CTCF: variants seen among roughly 807,000 people sequenced by gnomAD.
CTCF encodes the protein transcriptional repressor CTCF.
A neutral mutation model predicts 72.3 loss-of-function variants in CTCF; 7 were observed. That is an observed-to-expected ratio of 0.10 (90% CI 0.06 to 0.18). CTCF has a LOEUF of 0.18. Among genes scored for constraint, CTCF ranks in the 10% least tolerant of loss-of-function variants. The pLI is 1.00. For missense variants in CTCF, 516 were observed against 949.1 expected (o/e 0.54, Z 6.00); for synonymous variants, 374 against 315.8 (o/e 1.18, Z -1.95).
chr16:67,577,737 G>A (rs1424825004), intron 2 of CTCF, among the ~76,000 whole-genome samples: 5 of 151,884 alleles, frequency 3.3e-5, no homozygotes, highest in South Asian at 4.2e-4. Context: ...GTGAGCCACC[G>A]CTCCCAGCCA....
chr16:67,575,324 C>A (rs892784037), intron 2 of CTCF, among the ~76,000 whole-genome samples: 3 of 152,090 alleles, frequency 2.0e-5, no homozygotes, highest in Admixed American at 6.5e-5. Flanking sequence ...ATAATCCCAG[C>A]ACTTTGGGAG....
chr16:67,584,623 G>A (rs1173956376), intron 2 of CTCF, among the ~76,000 whole-genome samples: 1 of 151,748 alleles, frequency 6.6e-6, no homozygotes, highest in East Asian at 1.9e-4. Flanking sequence ...ACCGCATCTG[G>A]CCAGTCTTCT....
intron 2 of CTCF, among the ~76,000 whole-genome samples, chr16:67,573,415 G>A (rs1344071865): frequency 1.3e-5 from 2 of 152,062 alleles, no homozygotes; most frequent in South Asian, 4.1e-4. Context: ...CTGGGTGACA[G>A]AGCAAGACCG....
intron 7 of CTCF, among the ~76,000 whole-genome samples, chr16:67,624,082 TG>T (rs2052244004): frequency 1.0e-5 from 1 of 96,936 alleles, no homozygotes; most frequent in African/African-American, 3.7e-5. Flanking sequence ...TGTGTGTGTG[TG>T]TGTGTGTGTG....
chr16:67,593,731 G>T (rs1029223622), intron 2 of CTCF, among the ~76,000 whole-genome samples: 1 of 152,072 alleles, frequency 6.6e-6, no homozygotes, highest in Admixed American at 6.6e-5. Flanking sequence ...AATAAGTTGG[G>T]GTTTTTAGCA....
At chr16:67,624,067 A>ATGTGTGTGTG (rs1330400010) in intron 7 of CTCF, among the ~76,000 whole-genome samples, 1 of 96,352 alleles carries the variant, frequency 1.0e-5, no homozygotes, top group African/African-American at 4.1e-5. Flanking sequence ...AAAAAAAATT[A>ATGTGTGTGTG]TATATGTGTG....
At chr16:67,626,081 C>T (rs1420165166) in intron 7 of CTCF, among the ~76,000 whole-genome samples, 1 of 151,998 alleles carries the variant, frequency 6.6e-6, no homozygotes, top group Non-Finnish European at 1.5e-5. Context: ...TAATTGTTCT[C>T]CCTGCACCTG....
chr16:67,591,640 T>C (rs1406578549), intron 2 of CTCF, among the ~76,000 whole-genome samples: 1 of 152,202 alleles, frequency 6.6e-6, no homozygotes, highest in Non-Finnish European at 1.5e-5. Context: ...ATAACTTTTA[T>C]TCGTTTTGGC....
chr16:67,588,419 G>A (rs1409882679), intron 2 of CTCF, among the ~76,000 whole-genome samples: 1 of 152,112 alleles, frequency 6.6e-6, no homozygotes, highest in Non-Finnish European at 1.5e-5. Context: ...CCAGGGATAT[G>A]GGTCTGCAGT....
Position 67,626,718 on chromosome 16 carries a change from A to G in CTCF, c.1518+3A>G. 7.0e-7 allele frequency: 1 copy of G among 1,420,902 alleles called. No individual in the cohort carries two copies. The highest frequency in any genetic ancestry group is 2.5e-5 in the East Asian group (1 of 39,348). The allele number at this position is 1,420,902 out of a possible 1,614,324, so 88.0% of individuals were successfully genotyped here. ...AGTGTGATTACGCTTGTAGACAGGTAGGAACCTTCATTGAAAGTTGTTGGT... is the reference window on the plus strand; with the variant it reads ...AGTGTGATTACGCTTGTAGACAGGTGGGAACCTTCATTGAAAGTTGTTGGT... On this transcript the variant is annotated splice_donor_region_variant and intron_variant, in intron 8 of 11. Coordinates refer to ENST00000264010, the MANE Select transcript of CTCF (RefSeq NM_006565.4).
chr16:67,575,179 G>T (rs111661704), intron 2 of CTCF, among the ~76,000 whole-genome samples: 2 of 152,286 alleles, frequency 1.3e-5, no homozygotes, highest in African/African-American at 2.4e-5. Flanking sequence ...AGCTGAGAAG[G>T]TTGAGGTTGC....
intron 10 of CTCF, among the ~76,000 whole-genome samples, chr16:67,636,091 A>G (rs1029715716): frequency 2.6e-5 from 4 of 151,704 alleles, no homozygotes; most frequent in Non-Finnish European, 5.9e-5. Flanking sequence ...GATTATCTGG[A>G]TTGGCTGGGC....
chr16:67,601,287 CTG>C (rs1445048016), intron 2 of CTCF, among the ~76,000 whole-genome samples: 5 of 131,260 alleles, frequency 3.8e-5, no homozygotes, highest in Admixed American at 7.8e-5. Flanking sequence ...GAGTCTCACT[CTG>C]TCACCGTGTG....
chr16:67,617,372 A>C (rs1384140975), intron 5 of CTCF, among the ~76,000 whole-genome samples: 2 of 151,908 alleles, frequency 1.3e-5, no homozygotes, highest in Non-Finnish European at 2.9e-5. Context: ...GGTGGCAGGC[A>C]CCTATAGTCC....
At chr16:67,597,800 T>C (rs1047010146) in intron 2 of CTCF, among the ~76,000 whole-genome samples, 3 of 152,326 alleles carry the variant, frequency 2.0e-5, no homozygotes, top group Admixed American at 2.0e-4. Flanking sequence ...CTAGGCTTTG[T>C]TTCTGGATTC....
intron 2 of CTCF, among the ~76,000 whole-genome samples, chr16:67,610,350 C>CTTTTTTT (rs1158978403): frequency 1.1e-3 from 128 of 121,348 alleles, no homozygotes; most frequent in African/African-American, 1.4e-3. Context: ...TTTTCTTTTT[C>CTTTTTTT]TTTTTTTTTT....
rs201916739 is a variant in CTCF at position 67,637,777 on chromosome 16, G to A, written c.2089G>A (p.Ala697Thr). 2.2e-5 allele frequency: 36 copies of A among 1,613,310 alleles called. No individual in the cohort carries two copies. Among genetic ancestry groups the A allele is most frequent in the East Asian group, 6.7e-5 (3 of 44,888 alleles). ...AAAAAAAGAGCCAGATGCTGAGCCCGCAGAGGGAGAGGAAGAGGAGGCCCA... is the reference window on the plus strand; with the variant it reads ...AAAAAAAGAGCCAGATGCTGAGCCCACAGAGGGAGAGGAAGAGGAGGCCCA... ...EVKKEPDAEP[A>T]EGEEEEAQPA... The change falls in exon 12 of 12, where the codon GCA (alanine) becomes ACA (threonine). Residue 697 changes from alanine to threonine, a missense_variant. Physicochemically the swap from Ala to Thr is moderately conservative, Grantham distance 58 (BLOSUM62 0). Coordinates refer to ENST00000264010, the MANE Select transcript of CTCF (RefSeq NM_006565.4).
intron 2 of CTCF, among the ~76,000 whole-genome samples, chr16:67,574,046 AC>A (rs1264754503): frequency 6.6e-6 from 1 of 151,858 alleles, no homozygotes; most frequent in Non-Finnish European, 1.5e-5. Context: ...AAAAAGACTT[AC>A]GTGACCAAAG....
intron 7 of CTCF, among the ~76,000 whole-genome samples, chr16:67,624,457 T>C (rs1176950350): frequency 6.6e-6 from 1 of 152,138 alleles, no homozygotes; most frequent in Non-Finnish European, 1.5e-5. Flanking sequence ...CAGTACCCTC[T>C]TCCTTTGAAA....
Sources: allele counts gnomAD v4.1 joint callset (sites outside exome capture counted in the v4.1 genomes callset), GRCh38; gene constraint gnomAD v4.1.1; transcripts MANE v1.5; gene names NCBI Gene and HGNC (gene_info 2026-07-23, HGNC 2026-07-21).